ARHGEF3: variants seen among roughly 807,000 people sequenced by gnomAD.
The protein encoded by ARHGEF3 is 59.8 kDA protein.
Under a neutral mutation model 63.2 loss-of-function variants are expected in ARHGEF3, and 28 were observed. The ratio of observed to expected loss-of-function variants is 0.44; its 90% CI spans 0.33 to 0.61. ARHGEF3 has a LOEUF of 0.61. Among genes scored for constraint, ARHGEF3 ranks in the 20% least tolerant of loss-of-function variants. The probability of loss-of-function intolerance (pLI) is 0.03; values close to 1 mark genes in which losing one functional copy is unlikely to be tolerated. For missense variants in ARHGEF3, 533 were observed against 659.3 expected (o/e 0.81, Z 2.10); for synonymous variants, 266 against 254.2 (o/e 1.05, Z -0.44).
At chr3:56,895,993 G>C (rs1476340933) in intron 3 of ARHGEF3, among the ~76,000 whole-genome samples, 1 of 152,132 alleles carries the variant, frequency 6.6e-6, no homozygotes, top group Non-Finnish European at 1.5e-5. Flanking sequence ...CAGGCACAGG[G>C]GGCTGGCAGA....
chr3:57,074,474 G>A (rs1250968278), intron 1 of ARHGEF3: 1 of 594,976 alleles, frequency 1.7e-6, no homozygotes, highest in Non-Finnish European at 3.1e-6. Flanking sequence ...ATTCAGAAAG[G>A]TTAAGTTACT....
At chr3:56,816,638 T>C (rs543031492) in intron 4 of ARHGEF3, among the ~76,000 whole-genome samples, 10 of 152,328 alleles carry the variant, frequency 6.6e-5, no homozygotes, top group African/African-American at 2.4e-4. Context: ...TTGACTTTAA[T>C]GAAGTATCTC....
chr3:56,887,435 G>A (rs1317305726), intron 3 of ARHGEF3, among the ~76,000 whole-genome samples: 1 of 152,216 alleles, frequency 6.6e-6, no homozygotes, highest in Non-Finnish European at 1.5e-5. Flanking sequence ...GTTATCTGTA[G>A]AGTAGAAATA....
rs188019852 is a variant in ARHGEF3, at chr3:56,862,653, C to T, written c.192+19639G>A. Among the ~76,000 whole-genome samples, 364 of 152,296 alleles carry T rather than the reference C, an allele frequency of 2.4e-3. 13 individuals are homozygous for T. The highest frequency in any genetic ancestry group is 0.024 in the Admixed American group (361 of 15,306). On this transcript the variant is annotated intron_variant, in intron 4 of 12. Coordinates refer to the ARHGEF3 transcript ENST00000338458. ...CTGACCAGCAAATTACACCTCTTGC[C>T]TTCCCCTTGACCCTGCCATTAGATT...
chr3:57,041,790 T>C (rs1254326572), intron 1 of ARHGEF3, among the ~76,000 whole-genome samples: 4 of 152,170 alleles, frequency 2.6e-5, no homozygotes, highest in Non-Finnish European at 5.9e-5. Flanking sequence ...ACATTTTTTC[T>C]TGCTGTCTGC....
intron 2 of ARHGEF3, among the ~76,000 whole-genome samples, chr3:57,022,472 CA>C (rs11368903): frequency 1.8e-4 from 27 of 150,660 alleles, no homozygotes; most frequent in Admixed American, 5.3e-4. Context: ...TTCCTATATA[CA>C]AAAAAAAAGA....
At chr3:56,733,984 C>CAAAAAAAAA (rs777924213) in intron 8 of ARHGEF3, among the ~76,000 whole-genome samples, 2 of 55,122 alleles carry the variant, frequency 3.6e-5, no homozygotes, top group African/African-American at 1.4e-4. Context: ...AATTCTGTCT[C>CAAAAAAAAA]AAAAAAAAAA....
intron 2 of ARHGEF3, among the ~76,000 whole-genome samples, chr3:57,005,628 G>T (rs925029894): frequency 1.3e-5 from 2 of 152,176 alleles, no homozygotes; most frequent in Non-Finnish European, 2.9e-5. Flanking sequence ...AGGGGTTCCT[G>T]CCATCTCTGT....
At chr3:56,735,171 C>G (rs2033518316) in intron 8 of ARHGEF3, among the ~76,000 whole-genome samples, 1 of 152,156 alleles carries the variant, frequency 6.6e-6, no homozygotes. Context: ...GTAATCCCAG[C>G]TACTCGGGAA....
chr3:56,968,495 C>CTT lies in ARHGEF3; in HGVS notation c.63-9608_63-9607dup, dbSNP rs540807108. ...TACAGGCACACACCAGCACAACTAG[C>CTT]TTTTTTTTTTTTCTGTAGAGACGGG... On this transcript the variant is annotated intron_variant, in intron 2 of 12. Transcript: ENST00000338458. Among the ~76,000 whole-genome samples, 20 of 132,678 alleles carry CTT rather than the reference C, an allele frequency of 1.5e-4. No homozygotes were observed. The East Asian group carries it at 3.4e-3, about 23-fold the overall frequency. 87.0% of individuals were successfully genotyped at this position (132,678 alleles called of 152,430 possible). A position where few individuals can be genotyped will look rare whatever the true frequency, so the allele number is the denominator to read the frequency against.
At chr3:56,872,077 C>T (rs138700325) in intron 4 of ARHGEF3, among the ~76,000 whole-genome samples, 77 of 152,270 alleles carry the variant, frequency 5.1e-4, no homozygotes, top group African/African-American at 1.8e-3. Context: ...GAAGCACATG[C>T]TCTAACCACA....
intron 2 of ARHGEF3, among the ~76,000 whole-genome samples, chr3:56,968,317 ATATTTT>A: frequency 1.7e-5 from 1 of 59,602 alleles, no homozygotes; most frequent in Non-Finnish European, 3.3e-5. Context: ...TATATAAAAT[ATATTTT>A]ATATATATAT....
chr3:57,026,550 G>A (rs1250560752), intron 2 of ARHGEF3, among the ~76,000 whole-genome samples: 1 of 152,180 alleles, frequency 6.6e-6, no homozygotes, highest in African/African-American at 2.4e-5. Context: ...AGATTTCCCA[G>A]GAGGGAGACC....
chr3:56,906,081 T>G (rs1006267292), intron 3 of ARHGEF3, among the ~76,000 whole-genome samples: 2 of 152,066 alleles, frequency 1.3e-5, no homozygotes, highest in Non-Finnish European at 1.5e-5. Context: ...GGCAGGCTGG[T>G]CTCAAACTCC....
At chr3:56,763,773 C>T (rs2035554107) in intron 2 of ARHGEF3, among the ~76,000 whole-genome samples, 1 of 151,676 alleles carries the variant, frequency 6.6e-6, no homozygotes, top group Non-Finnish European at 1.5e-5. Flanking sequence ...CAGGGCCTTA[C>T]TATATTGCCC....
intron 2 of ARHGEF3, among the ~76,000 whole-genome samples, chr3:57,010,341 A>G (rs545058653): frequency 6.6e-6 from 1 of 151,928 alleles, no homozygotes; most frequent in African/African-American, 2.4e-5. Context: ...CTGTAGTCCC[A>G]GCTACTTGGG....
intron 1 of ARHGEF3, among the ~76,000 whole-genome samples, chr3:56,776,820 G>A (rs1206891219): frequency 6.6e-6 from 1 of 152,038 alleles, no homozygotes; most frequent in Non-Finnish European, 1.5e-5. Flanking sequence ...GCTGGGCAAG[G>A]TCAATGCTAA....
intron 4 of ARHGEF3, among the ~76,000 whole-genome samples, chr3:56,878,465 A>G (rs1164766232): frequency 1.3e-5 from 2 of 152,170 alleles, no homozygotes; most frequent in East Asian, 1.9e-4. Flanking sequence ...GTGACCGATT[A>G]TATCATCAAC....
chr3:57,029,260 G>A (rs150574013), intron 2 of ARHGEF3, among the ~76,000 whole-genome samples: 92 of 152,152 alleles, frequency 6.0e-4, no homozygotes, highest in African/African-American at 9.4e-4. Context: ...GAGAAACCCC[G>A]TCTCTACTAA....
Sources: allele counts gnomAD v4.1 joint callset (sites outside exome capture counted in the v4.1 genomes callset), GRCh38; gene constraint gnomAD v4.1.1; transcripts MANE v1.5; gene names NCBI Gene and HGNC (gene_info 2026-07-23, HGNC 2026-07-21).